EIF4G3: variants seen among roughly 807,000 people sequenced by gnomAD.
EIF4G3 encodes the protein eukaryotic translation initiation factor 4 gamma 3, also known as eIF-4-gamma 3.
Under a neutral mutation model 186.4 loss-of-function variants are expected in EIF4G3, and 34 were observed. The ratio of observed to expected loss-of-function variants is 0.18; its 90% CI spans 0.14 to 0.24. EIF4G3 has a LOEUF of 0.24. EIF4G3 is among the 10% of genes least tolerant of loss of function. The pLI, the probability that EIF4G3 is intolerant of heterozygous loss-of-function variation, is 1.00. For synonymous variants in EIF4G3, 673 were observed against 679.5 expected, an observed-to-expected ratio of 0.99 and a Z score of 0.15; for missense variants, 1,536 against 1,948.5, an observed-to-expected ratio of 0.79 and a Z score of 3.99.
intron 14 of EIF4G3, among the ~76,000 whole-genome samples, chr1:20,922,179 C>T (rs1306382680): frequency 6.6e-6 from 1 of 152,202 alleles, no homozygotes; most frequent in Non-Finnish European, 1.5e-5. Context: ...TTGTTTCAAA[C>T]ATCAATTTCT....
intron 15 of EIF4G3, among the ~76,000 whole-genome samples, chr1:20,901,543 TCAA>T (rs2090295331): frequency 6.6e-6 from 1 of 152,090 alleles, no homozygotes; most frequent in Admixed American, 6.6e-5. Context: ...GTACCTACAA[TCAA>T]CAACAGTCTA....
chr1:21,095,240 T>C (rs533089403), intron 2 of EIF4G3, among the ~76,000 whole-genome samples: 585 of 152,316 alleles, frequency 3.8e-3, no homozygotes, highest in Non-Finnish European at 4.7e-3. Context: ...AAGAATAAGT[T>C]TTCCAAGCTC....
At chr1:21,017,739 T>C (rs560550917) in intron 4 of EIF4G3, among the ~76,000 whole-genome samples, 8 of 151,938 alleles carry the variant, frequency 5.3e-5, no homozygotes, top group Non-Finnish European at 1.0e-4. Context: ...AAAAAGCTCA[T>C]TGGAGCACTT....
At chr1:20,865,453 C>T (rs1375735628) in intron 20 of EIF4G3, among the ~76,000 whole-genome samples, 191 bp from the exon 21 acceptor site, 1 of 151,886 alleles carries the variant, frequency 6.6e-6, no homozygotes, top group Non-Finnish European at 1.5e-5. Flanking sequence ...AGAAAAGACA[C>T]ACATTCCTCT....
Position 21,007,515 on chromosome 1 carries a change from TA to T in EIF4G3, c.-66-4708del, listed in dbSNP as rs368328382. On this transcript the variant is annotated intron_variant, in intron 4 of 36. Transcript: ENST00000602326. ...AATATATTCACAATGGGCCCCTCCT[TA>T]AAAAAAAAAAAAAAAAAAAAACACA... Among the ~76,000 whole-genome samples the T allele has an allele frequency of 7.3e-3, 109 of 14,888 alleles. 1 individual carries two copies. The highest frequency in any genetic ancestry group is 0.013 in the African/African-American group (102 of 7,692). 9.8% of individuals were successfully genotyped at this position (14,888 alleles called of 152,430 possible).
chr1:20,852,172 A>G (rs1397135381), intron 27 of EIF4G3, among the ~76,000 whole-genome samples: 1 of 152,008 alleles, frequency 6.6e-6, no homozygotes. Context: ...CAACCTCCTG[A>G]GTAGCTGGGA....
At chr1:20,918,232 C>A (rs896092989) in intron 14 of EIF4G3, among the ~76,000 whole-genome samples, 1 of 152,032 alleles carries the variant, frequency 6.6e-6, no homozygotes, top group Non-Finnish European at 1.5e-5. Flanking sequence ...ATTTTTTAGA[C>A]AGGGTATCTC....
intron 13 of EIF4G3, among the ~76,000 whole-genome samples, chr1:20,942,979 T>C (rs1427641165): frequency 6.6e-6 from 1 of 152,154 alleles, no homozygotes; most frequent in Non-Finnish European, 1.5e-5. Context: ...AATGGAAGTA[T>C]ATAACCAGAA....
In EIF4G3 at chr1:20,980,488, T is replaced by C. The variant is rs1255406030; in HGVS notation, c.379-40A>G. 3.0e-6 allele frequency: 4 copies of C among 1,348,292 alleles called. No homozygotes were observed. The Admixed American group carries it at 1.1e-4, about 37-fold the overall frequency. The allele number at this position is 1,348,292 out of a possible 1,614,324, so 83.5% of individuals were successfully genotyped here. A position where few individuals can be genotyped will look rare whatever the true frequency, so the allele number is the denominator to read the frequency against. ...GTATGAATATTTATAAATAATATGGTATCTGGGGGCGAAAAACATAATAAA... is the reference window on the plus strand; with the variant it reads ...GTATGAATATTTATAAATAATATGGCATCTGGGGGCGAAAAACATAATAAA... On this transcript the variant is annotated intron_variant, in intron 9 of 36. Coordinates refer to ENST00000602326, the MANE Select transcript of EIF4G3 (RefSeq NM_001391906.1).
rs143727991 is a variant in EIF4G3, at chr1:20,839,403, G to T, written c.4061+1453C>A. 2.0e-5 allele frequency among the ~76,000 whole-genome samples: 3 copies of T among 152,204 alleles called. No homozygotes were observed. The East Asian group carries it at 5.8e-4, about 29-fold the overall frequency. On this transcript the variant is annotated intron_variant, in intron 30 of 36. Transcript: ENST00000602326. Reference sequence around the variant, plus strand: ...TGGGATTACAGGCGTGAGTCACCACGCCTGGCAAGAAAACTTTTTAATGGT... The same window carrying T: ...TGGGATTACAGGCGTGAGTCACCACTCCTGGCAAGAAAACTTTTTAATGGT...
intron 3 of EIF4G3, among the ~76,000 whole-genome samples, chr1:21,053,433 C>A (rs1057055964): frequency 6.6e-6 from 1 of 151,306 alleles, no homozygotes; most frequent in Non-Finnish European, 1.5e-5. Flanking sequence ...GTTAGCCCAC[C>A]CCCCGGCCAG....
intron 15 of EIF4G3, among the ~76,000 whole-genome samples, chr1:20,901,815 C>G (rs1374814542): frequency 6.6e-6 from 1 of 151,910 alleles, no homozygotes; most frequent in East Asian, 1.9e-4. Flanking sequence ...TATGCAGAAA[C>G]AGATTTAAGA....
At chr1:20,878,146 C>T (rs2081371978) in intron 20 of EIF4G3, among the ~76,000 whole-genome samples, 1 of 152,116 alleles carries the variant, frequency 6.6e-6, no homozygotes, top group Non-Finnish European at 1.5e-5. Context: ...AGATTACAGG[C>T]ATAAGCCACC....
At chr1:20,851,143 G>A in intron 28 of EIF4G3, 115 bp downstream of exon 28, 1 of 860,512 alleles carries the variant, frequency 1.2e-6, no homozygotes, top group South Asian at 1.7e-5. Flanking sequence ...TTCAGATGCT[G>A]GTATGTGTTG....
intron 14 of EIF4G3, among the ~76,000 whole-genome samples, chr1:20,930,205 T>C (rs543843252): frequency 6.6e-6 from 1 of 152,184 alleles, no homozygotes; most frequent in Admixed American, 6.5e-5. Flanking sequence ...GCTGCCCTCA[T>C]CAGGATGGTG....
chr1:20,850,156 A>G (rs1466574605), intron 28 of EIF4G3, among the ~76,000 whole-genome samples: 5 of 152,120 alleles, frequency 3.3e-5, no homozygotes, highest in South Asian at 4.1e-4. Flanking sequence ...TGGAATTACT[A>G]AAAAAGGTCT....
rs1052837120 is a variant in EIF4G3, at chr1:20,879,449, T to C, written c.2496A>G (p.Gln832=). The C allele has an allele frequency of 1.3e-6, 2 of 1,579,582 alleles. No individual in the cohort carries two copies. The highest frequency in any genetic ancestry group is 2.7e-5 in the African/African-American group (2 of 73,422). The change falls in exon 20 of 37, where the codon CAA becomes CAG. Residue 832 remains glutamine (Q), a synonymous_variant. Transcript: ENST00000602326. ...CTGTGTCAACAGTAAGTCCTGACAC[T>C]TGCTTCATCAGTTGATTGAACATCT... ...TPQMFNQLMK[Q]VSGLTVDTEE...
chr1:21,054,341 G>A (rs868377787), intron 3 of EIF4G3, among the ~76,000 whole-genome samples: 1 of 134,614 alleles, frequency 7.4e-6, no homozygotes, highest in Non-Finnish European at 1.7e-5. Context: ...GCGGAAGGCC[G>A]CAGGGTCCTC....
rs141699532 is a variant in EIF4G3 at position 20,920,642 on chromosome 1, G to C, written c.1664-15671C>G. 9.7e-3 allele frequency among the ~76,000 whole-genome samples: 1,473 copies of C among 152,214 alleles called. 21 individuals carry two copies. Among genetic ancestry groups the C allele is most frequent in the Non-Finnish European group, 0.016 (1,086 of 68,004 alleles). ...AAGAGAAAGAGGCTTAAAAATTCCA[G>C]TAACATATATGGTAGACTTTCTTAC... On this transcript the variant is annotated intron_variant, in intron 14 of 36. Transcript: ENST00000602326.
Sources: gnomAD v4.1 joint callset for allele counts (sites outside exome capture counted in the v4.1 genomes callset) on GRCh38, gnomAD v4.1.1 for gene constraint, MANE v1.5 for transcripts, NCBI Gene and HGNC (gene_info 2026-07-23, HGNC 2026-07-21) for gene names.